Variants in GDPD3 observed in about 807,000 individuals in gnomAD.
GDPD3 encodes glycerophosphodiester phosphodiesterase domain containing 3.
A neutral mutation model predicts 43.7 loss-of-function variants in GDPD3; 40 were observed. That is an observed-to-expected ratio of 0.91 (90% CI 0.71 to 1.19). GDPD3 has a LOEUF of 1.19. GDPD3 is among the 50% of genes most tolerant of loss of function. GDPD3 has a pLI of 0.00. For synonymous variants in GDPD3, 145 were observed against 162.9 expected (o/e 0.89, Z 0.84); for missense variants, 363 against 415.8 (o/e 0.87, Z 1.11).
At position 30,112,340 on chromosome 16, in the gene GDPD3, T is replaced by G; in HGVS notation, c.449A>C (p.Glu150Ala). 6.2e-7 allele frequency: 1 copy of G among 1,614,208 alleles called. No individual in the cohort carries two copies. The highest frequency in any genetic ancestry group is 8.5e-7 in the Non-Finnish European group (1 of 1,180,034). ...QRFPRTPMSV[E>A]IKGKNEELIR... ...GAGCTCTTCGTTCTTCCCTTTGATC[T>G]CTACGCTCATGGGTGTCCTTGGAAA... The change falls in exon 5 of 10, where the codon GAG becomes GCG. Residue 150 changes from glutamate to alanine, a missense_variant. By Grantham distance (107) the Glu-to-Ala change is moderately radical. Transcript: ENST00000406256. The surrounding 1 kb of genome is among the most constrained non-coding windows in gnomAD (Gnocchi z 5.4).
intron 7 of GDPD3, among the ~76,000 whole-genome samples, chr16:30,109,056 T>G (rs953840764): frequency 2.5e-4 from 38 of 152,170 alleles, no homozygotes; most frequent in African/African-American, 8.9e-4. Flanking sequence ...GGTCTCGATC[T>G]CCTGACTTTG....
intron 9 of GDPD3, among the ~76,000 whole-genome samples, chr16:30,106,352 G>A (rs550662153): frequency 5.3e-5 from 8 of 152,026 alleles, no homozygotes; most frequent in Non-Finnish European, 1.0e-4. Context: ...ATTTAAACCA[G>A]GAAAATTAAT....
chr16:30,107,139 G>A (rs2072866500), intron 9 of GDPD3, among the ~76,000 whole-genome samples: 1 of 151,138 alleles, frequency 6.6e-6, no homozygotes, highest in Non-Finnish European at 1.5e-5. Context: ...TCTCTCCCAG[G>A]CTGGAGTGTG....
rs570497043 is a variant in GDPD3, at chr16:30,112,271, C to T, written c.483+35G>A. 3 of 1,613,424 alleles carry T rather than the reference C, an allele frequency of 1.9e-6. No homozygotes were observed. Among genetic ancestry groups the T allele is most frequent in the Middle Eastern group, 1.7e-4 (1 of 6,058 alleles). ...GGGAGAGCCAGGCCTCTCTCACGCC[C>T]CCGGTGGCCGCCCTAGCCCTGCCTG... is the stretch of plus-strand genomic sequence containing the variant. On this transcript the variant is annotated intron_variant, in intron 5 of 9. Transcript: ENST00000406256. The surrounding 1 kb of genome is among the most constrained non-coding windows in gnomAD (Gnocchi z 5.4).
rs370096628 is a variant in GDPD3 at position 30,112,258 on chromosome 16, C to T, written c.484-37G>A. ...AGAAGGAGGTGAAGGGAGAGCCAGG[C>T]CTCTCTCACGCCCCCGGTGGCCGCC... On this transcript the variant is annotated intron_variant, in intron 5 of 9. Transcript: ENST00000406256. The surrounding 1 kb of genome is among the most constrained non-coding windows in gnomAD (Gnocchi z 5.4). 4.3e-5 allele frequency: 69 copies of T among 1,611,256 alleles called. No individual in the cohort carries two copies. The highest frequency in any genetic ancestry group is 6.7e-5 in the Admixed American group (4 of 60,004).
At position 30,112,079 on chromosome 16, in the gene GDPD3, G is replaced by A; in HGVS notation, c.573+53C>T. The A allele has an allele frequency of 6.8e-7, 1 of 1,464,360 alleles. No homozygotes were observed. Among genetic ancestry groups the A allele is most frequent in the South Asian group, 1.1e-5 (1 of 87,766 alleles). The allele number at this position is 1,464,360 out of a possible 1,614,324, so 90.7% of individuals were successfully genotyped here. A position where few individuals can be genotyped will look rare whatever the true frequency, so the allele number is the denominator to read the frequency against. On this transcript the variant is annotated intron_variant, in intron 6 of 9. Transcript: ENST00000406256. The surrounding 1 kb of genome is among the most constrained non-coding windows in gnomAD (Gnocchi z 5.4). ...ATGCTGGGTGGGCTCCAGCTCTGGG[G>A]AGGAGGGGCCCCTGGAGGAGGAAGA... is the stretch of plus-strand genomic sequence containing the variant.
Position 30,111,597 on chromosome 16 carries a change from CGTG to C in GDPD3, c.574-79_574-77del, listed in dbSNP as rs1249748216. 3.0e-5 allele frequency: 45 copies of C among 1,519,606 alleles called. 1 individual carries two copies. Among genetic ancestry groups the C allele is most frequent in the Non-Finnish European group, 4.0e-5 (44 of 1,109,032 alleles). 94.1% of individuals were successfully genotyped at this position (1,519,606 alleles called of 1,614,324 possible). A position where few individuals can be genotyped will look rare whatever the true frequency, so the allele number is the denominator to read the frequency against. On this transcript the variant is annotated intron_variant, in intron 6 of 9. Coordinates refer to ENST00000406256, the MANE Select transcript of GDPD3 (RefSeq NM_024307.3). ...GAGGAGGCATGAGCTGCAGGGGAGC[CGTG>C]GTGGGCATTCCAGAGGCCCTACTAC...
Position 30,112,274 on chromosome 16 carries a change from G to T in GDPD3, c.483+32C>A. ...AGAGCCAGGCCTCTCTCACGCCCCC[G>T]GTGGCCGCCCTAGCCCTGCCTGCAG... On this transcript the variant is annotated intron_variant, in intron 5 of 9. Transcript: ENST00000406256. This position sits in a 1 kb window ranked among gnomAD's most constrained non-coding sequence, Gnocchi z 5.4. 6.2e-7 allele frequency: 1 copy of T among 1,613,192 alleles called. No individual in the cohort carries two copies. The highest frequency in any genetic ancestry group is 1.3e-5 in the African/African-American group (1 of 75,042).
In GDPD3 at chr16:30,112,045, C is replaced by T. The variant is rs900273581; in HGVS notation, c.573+87G>A. On this transcript the variant is annotated intron_variant, in intron 6 of 9. Coordinates refer to ENST00000406256, the MANE Select transcript of GDPD3 (RefSeq NM_024307.3). The surrounding 1 kb of genome is among the most constrained non-coding windows in gnomAD (Gnocchi z 5.4). ...GGAACTCTCCCAGACCCCTCTAGCT[C>T]GGGTCCCCATGCTGGGTGGGCTCCA... 12 of 1,039,860 alleles carry T rather than the reference C, an allele frequency of 1.2e-5. 1 individual carries two copies. The highest frequency in any genetic ancestry group is 4.9e-4 in the Middle Eastern group (2 of 4,060). The allele number at this position is 1,039,860 out of a possible 1,614,324, so 64.4% of individuals were successfully genotyped here. A position where few individuals can be genotyped will look rare whatever the true frequency, so the allele number is the denominator to read the frequency against.
Position 30,112,490 on chromosome 16 carries a change from G to T in GDPD3, c.364+33C>A. ...GCGGAGGTCCAAGGAAGGCAGGCAT[G>T]GCCCAGGCAGGGCTCGAAGCCCTTG... On this transcript the variant is annotated intron_variant, in intron 4 of 9. Transcript: ENST00000406256. This position sits in a 1 kb window ranked among gnomAD's most constrained non-coding sequence, Gnocchi z 5.4. 6.2e-7 allele frequency: 1 copy of T among 1,614,020 alleles called. No homozygotes were observed. Among genetic ancestry groups the T allele is most frequent in the Non-Finnish European group, 8.5e-7 (1 of 1,179,878 alleles).
intron 7 of GDPD3, among the ~76,000 whole-genome samples, chr16:30,110,002 T>C (rs2072888055): frequency 6.6e-6 from 1 of 152,120 alleles, no homozygotes; most frequent in South Asian, 2.1e-4. Context: ...GCTCTGGATT[T>C]CCAGCTGTGT....
At position 30,112,431 on chromosome 16, in the gene GDPD3, G is replaced by T. The variant is rs778611106; in HGVS notation, c.365-7C>A. On this transcript the variant is annotated splice_polypyrimidine_tract_variant and splice_region_variant and intron_variant, in intron 4 of 9. Coordinates refer to ENST00000406256, the MANE Select transcript of GDPD3 (RefSeq NM_024307.3). The surrounding 1 kb of genome is among the most constrained non-coding windows in gnomAD (Gnocchi z 5.4). ...GACCCGTGAGCAAAGTGGCCTGGGG[G>T]TGGTGTGGGAAAAGGGGTCAGAGGG... is the stretch of plus-strand genomic sequence containing the variant. The T allele has an allele frequency of 6.2e-7, 1 of 1,614,192 alleles. No individual in the cohort carries two copies.
In GDPD3 at chr16:30,108,193, A is replaced by AGTG. The variant is rs1200115009; in HGVS notation, c.819+17_819+19dup. ...TGCTGCCAGGTCTGTGTGCGGTGGA[A>AGTG]GTGGTGGTCACGGCCTCACCTGCAC... On this transcript the variant is annotated intron_variant, in intron 9 of 9. Transcript: ENST00000406256. The AGTG allele has an allele frequency of 6.4e-7, 1 of 1,569,336 alleles. No individual in the cohort carries two copies. Among genetic ancestry groups the AGTG allele is most frequent in the East Asian group, 2.3e-5 (1 of 44,284 alleles).
At position 30,112,064 on chromosome 16, in the gene GDPD3, G is replaced by T; in HGVS notation, c.573+68C>A. On this transcript the variant is annotated intron_variant, in intron 6 of 9. Transcript: ENST00000406256. This position sits in a 1 kb window ranked among gnomAD's most constrained non-coding sequence, Gnocchi z 5.4. ...CTAGCTCGGGTCCCCATGCTGGGTGGGCTCCAGCTCTGGGGAGGAGGGGCC... is the reference window on the plus strand; with the variant it reads ...CTAGCTCGGGTCCCCATGCTGGGTGTGCTCCAGCTCTGGGGAGGAGGGGCC... 1 of 1,286,318 alleles carries T rather than the reference G, an allele frequency of 7.8e-7. No individual in the cohort carries two copies. Among genetic ancestry groups the T allele is most frequent in the Non-Finnish European group, 1.1e-6 (1 of 889,012 alleles). The allele number at this position is 1,286,318 out of a possible 1,614,324, so 79.7% of individuals were successfully genotyped here.
chr16:30,113,345 CG>C lies in GDPD3; in HGVS notation c.133del (p.Arg45GlufsTer32). On this transcript the variant is annotated frameshift_variant, in exon 1 of 10. Coordinates refer to ENST00000406256, the MANE Select transcript of GDPD3 (RefSeq NM_024307.3). LOFTEE classifies it high-confidence loss of function. This position sits in a 1 kb window ranked among gnomAD's most constrained non-coding sequence, Gnocchi z 5.9. ...CTCACCCCTACCCGGCTCACCTCCT[CG>C]GTGGGCCCCCAGGCGGATGCGGAAG... Reference protein sequence around the residue: ...PTFRIRLGAHRGGSGELLENT... With the variant: ...PTFRIRLGAHXGGSGELLENT... 1 of 1,599,916 alleles carries C rather than the reference CG, an allele frequency of 6.3e-7. No individual in the cohort carries two copies. Among genetic ancestry groups the C allele is most frequent in the Non-Finnish European group, 8.5e-7 (1 of 1,171,736 alleles).
intron 6 of GDPD3, chr16:30,111,794 G>T: frequency 3.8e-6 from 2 of 521,032 alleles, no homozygotes; most frequent in Non-Finnish European, 3.4e-6. Flanking sequence ...TTAGCTGGGC[G>T]TGGTGGCGTG....
chr16:30,113,291 C>T lies in GDPD3; in HGVS notation c.139+49G>A, dbSNP rs376947879. On this transcript the variant is annotated intron_variant, in intron 1 of 9. Transcript: ENST00000406256. The surrounding 1 kb of genome is among the most constrained non-coding windows in gnomAD (Gnocchi z 5.9). Reference sequence around the variant, plus strand: ...TCTAGCATGCCCCCTTGGACCTACCCCTCTGTGCTGTCCACTTTGGCACCT... The same window carrying T: ...TCTAGCATGCCCCCTTGGACCTACCTCTCTGTGCTGTCCACTTTGGCACCT... The T allele has an allele frequency of 1.0e-5, 16 of 1,557,140 alleles. No homozygotes were observed. In the African/African-American group the frequency reaches 2.2e-4, roughly 21 times the overall value.
chr16:30,112,569 C>G lies in GDPD3; in HGVS notation c.319-1G>C. The G allele has an allele frequency of 6.2e-7, 1 of 1,614,078 alleles. No individual in the cohort carries two copies. Among genetic ancestry groups the G allele is most frequent in the Non-Finnish European group, 8.5e-7 (1 of 1,180,002 alleles). On this transcript the variant is annotated splice_acceptor_variant, in intron 3 of 9. Coordinates refer to ENST00000406256, the MANE Select transcript of GDPD3 (RefSeq NM_024307.3). LOFTEE classifies it high-confidence loss of function. This position sits in a 1 kb window ranked among gnomAD's most constrained non-coding sequence, Gnocchi z 5.4. ...GCTTCTCCTTGTAGAGGGGCAGGTCCTGGGGAGGACAGGAAGGATGTCACT... is the reference window on the plus strand; with the variant it reads ...GCTTCTCCTTGTAGAGGGGCAGGTCGTGGGGAGGACAGGAAGGATGTCACT...
At chr16:30,108,146 C>T (rs1357176213) in intron 9 of GDPD3, 67 bp downstream of exon 9, 2 of 1,399,860 alleles carry the variant, frequency 1.4e-6, no homozygotes, top group Non-Finnish European at 1.9e-6. Context: ...AGCTAGTTGG[C>T]AGCAGAGTGG....
Sources: gnomAD v4.1 joint callset for allele counts (sites outside exome capture counted in the v4.1 genomes callset) on GRCh38, gnomAD v4.1.1 for gene constraint, Gnocchi (gnomAD v3.1) non-coding constraint, MANE v1.5 for transcripts, NCBI Gene and HGNC (gene_info 2026-07-23, HGNC 2026-07-21) for gene names.